The following IQCF1 variants were observed in gnomAD, a reference collection of about 807,000 sequenced individuals.
The protein encoded by IQCF1 is IQ motif containing F1.
IQCF1 carries 9 observed loss-of-function variants against 12.5 expected under a neutral mutation model. The ratio of observed to expected loss-of-function variants is 0.72; its 90% CI spans 0.43 to 1.26. The LOEUF (loss-of-function observed/expected upper bound fraction) is 1.26, where lower values mean the gene tolerates loss of function less well. IQCF1 is among the 50% of genes most tolerant of loss of function. The probability of loss-of-function intolerance (pLI) is 0.00; values close to 1 mark genes in which losing one functional copy is unlikely to be tolerated. For missense variants in IQCF1, 252 were observed against 257.4 expected, an observed-to-expected ratio of 0.98 and a Z score of 0.14; for synonymous variants, 67 against 96.2, an observed-to-expected ratio of 0.70 and a Z score of 1.78.
chr3:51,897,360 T>C (rs1467526280), intron 2 of IQCF1, among the ~76,000 whole-genome samples: 30 of 152,222 alleles, frequency 2.0e-4, no homozygotes, highest in Non-Finnish European at 1.5e-5. Context: ...TCTATAGAAG[T>C]GCATTGCCTT....
At chr3:51,897,790 G>A (rs1699028477) in intron 2 of IQCF1, among the ~76,000 whole-genome samples, 1 of 152,174 alleles carries the variant, frequency 6.6e-6, no homozygotes, top group South Asian at 2.1e-4. Context: ...GGACAGTGAC[G>A]AGTCCTACTG....
Position 51,896,895 on chromosome 3 carries a change from C to T in IQCF1, c.109-1G>A, listed in dbSNP as rs1255990910. ...TCTCAACCAGAACTGGAGTTTTAGC[C>T]TGAAAAGGAAATGGGGAAAGAGAAC... is the stretch of plus-strand genomic sequence containing the variant. On this transcript the variant is annotated splice_acceptor_variant, in intron 2 of 3. Transcript: ENST00000310914. LOFTEE classifies it high-confidence loss of function. 3.1e-6 allele frequency: 5 copies of T among 1,611,314 alleles called. No homozygotes were observed. The highest frequency in any genetic ancestry group is 3.4e-6 in the Non-Finnish European group (4 of 1,177,624).
chr3:51,901,282 GCT>G (rs1699072369), intron 2 of IQCF1, among the ~76,000 whole-genome samples: 2 of 152,314 alleles, frequency 1.3e-5, no homozygotes, highest in South Asian at 4.1e-4. Context: ...GTCGTGCCAT[GCT>G]CTTTCTCTCT....
chr3:51,902,949 T>G, intron 2 of IQCF1, 36 bp downstream of exon 2: 1 of 1,478,538 alleles, frequency 6.8e-7, no homozygotes, highest in Non-Finnish European at 9.5e-7. Context: ...CACTAGGACA[T>G]GGGATCAATG....
At position 51,895,810 on chromosome 3, in the gene IQCF1, C is replaced by A. The variant is rs767346418; in HGVS notation, c.172-474G>T. On this transcript the variant is annotated intron_variant, in intron 3 of 3. Coordinates refer to ENST00000310914, the MANE Select transcript of IQCF1 (RefSeq NM_152397.3). This position sits in a 1 kb window ranked among gnomAD's most constrained non-coding sequence, Gnocchi z 4.8. ...CCCTCTGTCATGTCTGAAGACTAAACCCTGATTTTTTCTATGTTGCCCAAA... is the reference window on the plus strand; with the variant it reads ...CCCTCTGTCATGTCTGAAGACTAAAACCTGATTTTTTCTATGTTGCCCAAA... Among the ~76,000 whole-genome samples, 2 of 152,104 alleles carry A rather than the reference C, an allele frequency of 1.3e-5. No individual in the cohort carries two copies. Among genetic ancestry groups the A allele is most frequent in the Non-Finnish European group, 2.9e-5 (2 of 68,028 alleles).
chr3:51,900,655 TG>T lies in IQCF1; in HGVS notation c.108+2329del, dbSNP rs1699064642. 6.6e-6 allele frequency among the ~76,000 whole-genome samples: 1 copy of T among 152,216 alleles called. No homozygotes were observed. Among genetic ancestry groups the T allele is most frequent in the Admixed American group, 6.5e-5 (1 of 15,282 alleles). On this transcript the variant is annotated intron_variant, in intron 2 of 3. Transcript: ENST00000310914. The surrounding 1 kb of genome is among the most constrained non-coding windows in gnomAD (Gnocchi z 4.2). ...CGATGTAGAGCTTTTATACCATAGTTGGTCCAGGGTTCTGTGGACCACTAAA... is the reference window on the plus strand; with the variant it reads ...CGATGTAGAGCTTTTATACCATAGTTGTCCAGGGTTCTGTGGACCACTAAA...
At chr3:51,897,460 A>T (rs1378230524) in intron 2 of IQCF1, among the ~76,000 whole-genome samples, 1 of 152,228 alleles carries the variant, frequency 6.6e-6, no homozygotes, top group Admixed American at 6.5e-5. Context: ...CTGTGATTAC[A>T]TTCCCCTCCG....
At chr3:51,896,732 C>CA in intron 3 of IQCF1, 100 bp downstream of exon 3, 1 of 902,958 alleles carries the variant, frequency 1.1e-6, no homozygotes, top group South Asian at 1.3e-5. Context: ...CACACACATA[C>CA]TTCTAACTGA....
At chr3:51,898,932 T>C (rs1359898952) in intron 2 of IQCF1, among the ~76,000 whole-genome samples, 1 of 152,236 alleles carries the variant, frequency 6.6e-6, no homozygotes, top group Non-Finnish European at 1.5e-5. Flanking sequence ...TGTTTTGCAC[T>C]CAGCAAAGCC....
rs931334848 is a variant in IQCF1 at position 51,895,270 on chromosome 3, G to A, written c.238C>T (p.Arg80Trp). ...AGTGCCCGACGCACCAGGGTGCCCC[G>A]CCACCAGGCCTGGATCTTGGTGGCT... ...TVATKIQAWW[R>W]GTLVRRALLH... is the part of the protein sequence containing the mutation. Residue 80 changes from arginine (R) to tryptophan (W), a missense_variant, in exon 4 of 4, where the codon CGG becomes TGG. Transcript: ENST00000310914. The surrounding 1 kb of genome is among the most constrained non-coding windows in gnomAD (Gnocchi z 4.8). 16 of 1,614,138 alleles carry A rather than the reference G, an allele frequency of 9.9e-6. No homozygotes were observed. Among genetic ancestry groups the A allele is most frequent in the East Asian group, 2.2e-5 (1 of 44,880 alleles).
chr3:51,902,080 C>T (rs1480949558), intron 2 of IQCF1, among the ~76,000 whole-genome samples: 1 of 152,192 alleles, frequency 6.6e-6, no homozygotes, highest in Non-Finnish European at 1.5e-5. Context: ...GAGCCCTTTA[C>T]AGGATGGCTA....
Position 51,896,804 on chromosome 3 carries a change from C to CAGCCCT in IQCF1, c.171+22_171+27dup, listed in dbSNP as rs765585315. ...AGCACAGCCCCCACATCCCCAGCCCCAGCCCTGTGTGGTTTGGGAGGTCAT... is the reference window on the plus strand; with the variant it reads ...AGCACAGCCCCCACATCCCCAGCCCCAGCCCTAGCCCTGTGTGGTTTGGGAGGTCAT... On this transcript the variant is annotated intron_variant, in intron 3 of 3. Coordinates refer to ENST00000310914, the MANE Select transcript of IQCF1 (RefSeq NM_152397.3). 3.1e-5 allele frequency: 49 copies of CAGCCCT among 1,566,646 alleles called. No individual in the cohort carries two copies. The East Asian group carries it at 7.4e-4, about 24-fold the overall frequency.
chr3:51,895,158 G>C lies in IQCF1; in HGVS notation c.350C>G (p.Ala117Gly). 1 of 1,614,224 alleles carries C rather than the reference G, an allele frequency of 6.2e-7. No homozygotes were observed. ...CTCCTTCCGGGAGAAGGCCTCTAGC[G>C]CTGCCTGCCGCCTCTTCTTCAGAAT... Reference protein sequence around the residue: ...SKILKKRRQAALEAFSRKEWA... With the variant: ...SKILKKRRQAGLEAFSRKEWA... The change falls in exon 4 of 4, where the codon GCG becomes GGG. Residue 117 changes from alanine (A) to glycine (G), a missense_variant. Coordinates refer to ENST00000310914, the MANE Select transcript of IQCF1 (RefSeq NM_152397.3). The surrounding 1 kb of genome is among the most constrained non-coding windows in gnomAD (Gnocchi z 4.8).
Position 51,895,104 on chromosome 3 carries a change from G to T in IQCF1, c.404C>A (p.Ala135Asp), listed in dbSNP as rs1198072757. The T allele has an allele frequency of 1.2e-6, 2 of 1,614,256 alleles. No homozygotes were observed. The highest frequency in any genetic ancestry group is 1.7e-5 in the Admixed American group (1 of 60,036). Residue 135 changes from alanine to aspartate, a missense_variant, in exon 4 of 4, where the codon GCC (alanine) becomes GAC (aspartate). Transcript: ENST00000310914. This position sits in a 1 kb window ranked among gnomAD's most constrained non-coding sequence, Gnocchi z 4.8. ...GCGTCTGCGGATGCGCCACATGCGG[G>T]CCTGGGACTGCAGTGTGACTGCTGC... ...EWAAVTLQSQ[A>D]RMWRIRRRYC...
chr3:51,896,690 C>T (rs1023234867), intron 3 of IQCF1, 142 bp downstream of exon 3: 7 of 646,228 alleles, frequency 1.1e-5, no homozygotes, highest in African/African-American at 5.5e-5. Context: ...AGCTCAAACA[C>T]GCGCGCACAC....
intron 2 of IQCF1, among the ~76,000 whole-genome samples, chr3:51,898,048 T>C (rs1699032176): frequency 6.6e-6 from 1 of 152,138 alleles, no homozygotes; most frequent in South Asian, 2.1e-4. Flanking sequence ...AGAACACCCC[T>C]TTCCTTTCTT....
intron 1 of IQCF1, 37 bp from the exon 2 acceptor site, chr3:51,903,126 T>C: frequency 6.3e-7 from 1 of 1,595,516 alleles, no homozygotes; most frequent in Non-Finnish European, 8.6e-7. Context: ...AGAGTGAGGC[T>C]GCGGTCCCTC....
Position 51,903,239 on chromosome 3 carries a change from A to G in IQCF1, c.3+31T>C, listed in dbSNP as rs774399700. The G allele has an allele frequency of 1.1e-5, 18 of 1,613,430 alleles. No homozygotes were observed. In the African/African-American group the frequency reaches 2.3e-4, roughly 20 times the overall value. ...CTGAGAGATCTATGGGGACATCCCTAACAAGCCTGGTGTGTCTGGCTTTCT... is the reference window on the plus strand; with the variant it reads ...CTGAGAGATCTATGGGGACATCCCTGACAAGCCTGGTGTGTCTGGCTTTCT... On this transcript the variant is annotated intron_variant, in intron 1 of 3. Coordinates refer to ENST00000310914, the MANE Select transcript of IQCF1 (RefSeq NM_152397.3).
intron 2 of IQCF1, among the ~76,000 whole-genome samples, chr3:51,897,641 G>A (rs901641129): frequency 1.3e-5 from 2 of 152,298 alleles, no homozygotes; most frequent in Non-Finnish European, 2.9e-5. Flanking sequence ...CACATACTGC[G>A]GCAACAACTC....
Sources: allele counts gnomAD v4.1 joint callset (sites outside exome capture counted in the v4.1 genomes callset), GRCh38; gene constraint gnomAD v4.1.1; non-coding constraint Gnocchi (gnomAD v3.1); transcripts MANE v1.5; gene names NCBI Gene and HGNC (gene_info 2026-07-23, HGNC 2026-07-21).